The following OR2L2 variants were observed in gnomAD, a reference collection of about 807,000 sequenced individuals.
The protein encoded by OR2L2 is olfactory receptor 2L2.
For synonymous variants in OR2L2, 156 were observed against 135.4 expected, an observed-to-expected ratio of 1.15 and a Z score of -1.06; for missense variants, 378 against 375.2, an observed-to-expected ratio of 1.01 and a Z score of -0.06.
At chr1:248,036,984 G>A (rs546830735) in intron 2 of OR2L2, among the ~76,000 whole-genome samples, 46 of 152,208 alleles carry the variant, frequency 3.0e-4, no homozygotes, top group African/African-American at 8.9e-4. Context: ...CATCGTATAC[G>A]GGGAGAGCTT....
intron 1 of OR2L2, among the ~76,000 whole-genome samples, chr1:248,034,621 C>T (rs1022199119): frequency 6.6e-6 from 1 of 152,022 alleles, no homozygotes; most frequent in African/African-American, 2.4e-5. Flanking sequence ...AATGTATTTC[C>T]ATTTATCTGT....
chr1:248,038,832 A>G lies in OR2L2; in HGVS notation c.565A>G (p.Thr189Ala). 1 of 1,614,172 alleles carries G rather than the reference A, an allele frequency of 6.2e-7. No homozygotes were observed. Among genetic ancestry groups the G allele is most frequent in the Non-Finnish European group, 8.5e-7 (1 of 1,180,020 alleles). The change falls in exon 3 of 3, where the codon ACA (threonine) becomes GCA (alanine). Residue 189 changes from threonine to alanine, a missense_variant. Thr to Ala is a moderately conservative substitution (Grantham distance 58). Transcript: ENST00000641771. ...DVPAMLTLACTDTWVYESTVF... is the reference protein window; with the variant it reads ...DVPAMLTLACADTWVYESTVF... ...TCCAGCTATGTTGACGCTAGCCTGC[A>G]CAGACACTTGGGTCTATGAGAGCAC...
In OR2L2 at chr1:248,041,411, A is replaced by T. The variant is rs1307048800; in HGVS notation, c.*2205A>T. The T allele has an allele frequency of 6.6e-6, 1 of 152,202 alleles. No homozygotes were observed. The highest frequency in any genetic ancestry group is 1.5e-5 in the Non-Finnish European group (1 of 68,038). 9.4% of individuals were successfully genotyped at this position (152,202 alleles called of 1,614,324 possible). A position where few individuals can be genotyped will look rare whatever the true frequency, so the allele number is the denominator to read the frequency against. On this transcript the variant is annotated 3_prime_UTR_variant, in exon 3 of 3. Coordinates refer to ENST00000641771, the MANE Select transcript of OR2L2 (RefSeq NM_001385855.1). ...GACCTAAAACCATAAAAACCCTAGA[A>T]GAAAACCTAGGCTTTACCATTCAGG... is the stretch of plus-strand genomic sequence containing the variant.
rs1358185285 is a variant in OR2L2, at chr1:248,040,424, A to C, written c.*1218A>C. ...TGACTGAATGGTCCTTGAGCAACACAGATTTGAACTGTGCAGGTCCACATA... is the reference window on the plus strand; with the variant it reads ...TGACTGAATGGTCCTTGAGCAACACCGATTTGAACTGTGCAGGTCCACATA... On this transcript the variant is annotated 3_prime_UTR_variant, in exon 3 of 3. Transcript: ENST00000641771. 1 of 152,188 alleles carries C rather than the reference A, an allele frequency of 6.6e-6. No individual in the cohort carries two copies. Among genetic ancestry groups the C allele is most frequent in the African/African-American group, 2.4e-5 (1 of 41,444 alleles). The allele number at this position is 152,188 out of a possible 1,614,324, so 9.4% of individuals were successfully genotyped here.
intron 2 of OR2L2, among the ~76,000 whole-genome samples, chr1:248,037,383 A>G (rs1662793366): frequency 6.6e-6 from 1 of 152,160 alleles, no homozygotes; most frequent in Non-Finnish European, 1.5e-5. Flanking sequence ...ATTTATTCAT[A>G]ATATGGATCC....
In OR2L2 at chr1:248,038,820, A is replaced by G. The variant is rs1250844128; in HGVS notation, c.553A>G (p.Thr185Ala). 6.2e-7 allele frequency: 1 copy of G among 1,614,166 alleles called. No homozygotes were observed. Among genetic ancestry groups the G allele is most frequent in the Admixed American group, 1.7e-5 (1 of 60,016 alleles). The change falls in exon 3 of 3, where the codon ACG becomes GCG. Residue 185 changes from threonine to alanine, a missense_variant. By Grantham distance (58) the Thr-to-Ala change is moderately conservative (BLOSUM62 0). Transcript: ENST00000641771. Reference sequence around the variant, plus strand: ...TTTCTGTGATGTTCCAGCTATGTTGACGCTAGCCTGCACAGACACTTGGGT... The same window carrying G: ...TTTCTGTGATGTTCCAGCTATGTTGGCGCTAGCCTGCACAGACACTTGGGT... ...HFFCDVPAML[T>A]LACTDTWVYE...
At chr1:248,033,616 T>G (rs1662679307) in intron 1 of OR2L2, among the ~76,000 whole-genome samples, 3 of 152,026 alleles carry the variant, frequency 2.0e-5, no homozygotes, top group South Asian at 2.1e-4. Flanking sequence ...TTTGTTTTTT[T>G]TTTTTTGTAC....
chr1:248,039,342 T>C lies in OR2L2; in HGVS notation c.*136T>C. The C allele has an allele frequency of 1.6e-6, 1 of 634,012 alleles. No individual in the cohort carries two copies. Among genetic ancestry groups the C allele is most frequent in the Non-Finnish European group, 2.5e-6 (1 of 398,160 alleles). 39.3% of individuals were successfully genotyped at this position (634,012 alleles called of 1,614,324 possible). Reference sequence around the variant, plus strand: ...AGAAGAAATTTGTCTTTTAATTTAGTCTTGACAATATTATAATACATATTA... The same window carrying C: ...AGAAGAAATTTGTCTTTTAATTTAGCCTTGACAATATTATAATACATATTA... On this transcript the variant is annotated 3_prime_UTR_variant, in exon 3 of 3. Transcript: ENST00000641771.
chr1:248,038,254 T>A lies in OR2L2; in HGVS notation c.-14T>A. 1 of 1,559,574 alleles carries A rather than the reference T, an allele frequency of 6.4e-7. No individual in the cohort carries two copies. The highest frequency in any genetic ancestry group is 8.8e-7 in the Non-Finnish European group (1 of 1,137,058). On this transcript the variant is annotated 5_prime_UTR_variant, in exon 3 of 3. An upstream open reading frame in the 5' UTR gains an earlier in-frame stop. Transcript: ENST00000641771. ...CCTTTTGTCTCCCTTCAGGATGGATTGTAGGAATTCCCCATGGAAAATTAC... is the reference window on the plus strand; with the variant it reads ...CCTTTTGTCTCCCTTCAGGATGGATAGTAGGAATTCCCCATGGAAAATTAC...
In OR2L2 at chr1:248,035,575, T is replaced by A. The variant is rs138757919; in HGVS notation, c.-71T>A. 2.2e-4 allele frequency: 34 copies of A among 152,278 alleles called. No homozygotes were observed. The highest frequency in any genetic ancestry group is 7.9e-4 in the African/African-American group (33 of 41,554). The allele number at this position is 152,278 out of a possible 1,614,324, so 9.4% of individuals were successfully genotyped here. A position where few individuals can be genotyped will look rare whatever the true frequency, so the allele number is the denominator to read the frequency against. Reference sequence around the variant, plus strand: ...TAATGCGTAGACATGGTGACAACAGTCCACAGGCTAAAATATTGGACCCAT... The same window carrying A: ...TAATGCGTAGACATGGTGACAACAGACCACAGGCTAAAATATTGGACCCAT... On this transcript the variant is annotated 5_prime_UTR_variant, in exon 2 of 3. Transcript: ENST00000641771.
Position 248,038,661 on chromosome 1 carries a change from C to A in OR2L2, c.394C>A (p.Pro132Thr). The change falls in exon 3 of 3, where the codon CCC (proline) becomes ACC (threonine). Residue 132 changes from proline to threonine, a missense_variant. By Grantham distance (38) the Pro-to-Thr change is conservative (BLOSUM62 -1). Coordinates refer to ENST00000641771, the MANE Select transcript of OR2L2 (RefSeq NM_001385855.1). ...GGCCATTTGCTTTCCTCTCCACTAT[C>A]CCATCCGTATAAGCAAAAGAGTGTG... ...YVAICFPLHY[P>T]IRISKRVCVM... The A allele has an allele frequency of 1.2e-6, 2 of 1,614,182 alleles. No homozygotes were observed. Among genetic ancestry groups the A allele is most frequent in the Non-Finnish European group, 1.7e-6 (2 of 1,180,030 alleles).
At chr1:248,037,922 A>T (rs1204759650) in intron 2 of OR2L2, among the ~76,000 whole-genome samples, 2 of 152,198 alleles carry the variant, frequency 1.3e-5, no homozygotes, top group East Asian at 3.8e-4. Flanking sequence ...TTGATTTCCC[A>T]TGAAGCATTT....
At position 248,038,894 on chromosome 1, in the gene OR2L2, T is replaced by C. The variant is rs746769084; in HGVS notation, c.627T>C (p.Pro209=). 20 of 1,614,062 alleles carry C rather than the reference T, an allele frequency of 1.2e-5. No individual in the cohort carries two copies. The South Asian group carries it at 2.0e-4, about 16-fold the overall frequency. The change falls in exon 3 of 3, where the codon CCT becomes CCC. Residue 209 remains proline, a synonymous_variant. Coordinates refer to ENST00000641771, the MANE Select transcript of OR2L2 (RefSeq NM_001385855.1). ...GCAGCACCATCTTTCTTGTGCTTCC[T>C]TTCACTGGTATTGCATGTTCCTATG... ...FLSSTIFLVL[P]FTGIACSYGR...
chr1:248,036,245 GT>G (rs374532705), intron 2 of OR2L2, among the ~76,000 whole-genome samples: 149 of 150,650 alleles, frequency 9.9e-4, no homozygotes, highest in South Asian at 3.2e-3. Context: ...AATCTTTTCA[GT>G]TTTTTTTTCC....
Position 248,041,359 on chromosome 1 carries a change from C to G in OR2L2, c.*2153C>G, listed in dbSNP as rs1029430444. On this transcript the variant is annotated 3_prime_UTR_variant, in exon 3 of 3. Transcript: ENST00000641771. ...CTTACACCTTATACAAAAATCAATT[C>G]AAGATGGATTAAAGACTTAAACGTT... is the stretch of plus-strand genomic sequence containing the variant. The G allele has an allele frequency of 6.6e-6, 1 of 152,058 alleles. No individual in the cohort carries two copies. The highest frequency in any genetic ancestry group is 1.5e-5 in the Non-Finnish European group (1 of 67,998). 9.4% of individuals were successfully genotyped at this position (152,058 alleles called of 1,614,324 possible).
At chr1:248,037,951 G>A (rs1281267336) in intron 2 of OR2L2, among the ~76,000 whole-genome samples, 4 of 152,120 alleles carry the variant, frequency 2.6e-5, no homozygotes, top group Non-Finnish European at 5.9e-5. Flanking sequence ...CAAGAAAAAT[G>A]AGCACTTTTT....
chr1:248,030,621 C>A (rs1442690419), intron 1 of OR2L2, among the ~76,000 whole-genome samples: 2 of 152,060 alleles, frequency 1.3e-5, no homozygotes, highest in Non-Finnish European at 2.9e-5. Context: ...GGTTTGATTT[C>A]TTTTGCCATG....
chr1:248,038,091 A>G (rs1007614779), intron 2 of OR2L2, 156 bp from the exon 3 acceptor site: 5 of 506,466 alleles, frequency 9.9e-6, no homozygotes, highest in Non-Finnish European at 1.7e-5. Flanking sequence ...TAATTTATAA[A>G]TTAAAGTTTA....
Position 248,038,365 on chromosome 1 carries a change from T to C in OR2L2, c.98T>C (p.Ile33Thr). ...TTCGTATTCACCCTCATTTTTCTCATTTTCCTAATGGCTCTAATTGGAAAT... is the reference window on the plus strand; with the variant it reads ...TTCGTATTCACCCTCATTTTTCTCACTTTCCTAATGGCTCTAATTGGAAAT... Reference protein sequence around the residue: ...GLFVFTLIFLIFLMALIGNLS... With the variant: ...GLFVFTLIFLTFLMALIGNLS... Residue 33 changes from isoleucine to threonine, a missense_variant, in exon 3 of 3, where the codon ATT becomes ACT. Coordinates refer to ENST00000641771, the MANE Select transcript of OR2L2 (RefSeq NM_001385855.1). 2 of 1,613,598 alleles carry C rather than the reference T, an allele frequency of 1.2e-6. No homozygotes were observed. The highest frequency in any genetic ancestry group is 2.2e-5 in the East Asian group (1 of 44,878).
Sources: gnomAD v4.1 joint callset for allele counts (sites outside exome capture counted in the v4.1 genomes callset) on GRCh38, gnomAD v4.1.1 for gene constraint, MANE v1.5 for transcripts, NCBI Gene and HGNC (gene_info 2026-07-23, HGNC 2026-07-21) for gene names.